The following LAPTM4B variants were observed in gnomAD, a reference collection of about 807,000 sequenced individuals.
The protein encoded by LAPTM4B is lysosomal-associated transmembrane protein 4B.
A neutral mutation model predicts 28.5 loss-of-function variants in LAPTM4B; 26 were observed. That is an observed-to-expected ratio of 0.91 (90% CI 0.67 to 1.27). The LOEUF (loss-of-function observed/expected upper bound fraction) is 1.27. Among genes scored for constraint, LAPTM4B ranks in the 50% most tolerant of loss-of-function variants. LAPTM4B has a pLI of 0.00. For synonymous variants in LAPTM4B, 109 were observed against 106.4 expected (o/e 1.02, Z -0.15); for missense variants, 288 against 285.8 (o/e 1.01, Z -0.06).
At chr8:97,791,554 G>A (rs1369964169) in intron 1 of LAPTM4B, among the ~76,000 whole-genome samples, 6 of 152,168 alleles carry the variant, frequency 3.9e-5, no homozygotes, top group Admixed American at 2.0e-4. Flanking sequence ...GTGGCAGATC[G>A]TTTTGCACGC....
rs544761392 is a variant in LAPTM4B, at chr8:97,823,353, T to G, written c.508-1705T>G. Reference sequence around the variant, plus strand: ...ATCATCATACAATATGGTTTTTTTTTTTGTTTTTTTTTTGTTGTTGTTGTT... The same window carrying G: ...ATCATCATACAATATGGTTTTTTTTGTTGTTTTTTTTTTGTTGTTGTTGTT... On this transcript the variant is annotated intron_variant, in intron 5 of 6. Transcript: ENST00000521545. Among the ~76,000 whole-genome samples, 102 of 27,248 alleles carry G rather than the reference T, an allele frequency of 3.7e-3. 2 individuals carry two copies. In the South Asian group the frequency reaches 0.086, roughly 23 times the overall value. 17.9% of individuals were successfully genotyped at this position (27,248 alleles called of 152,430 possible).
At chr8:97,781,520 C>T (rs563687624) in intron 1 of LAPTM4B, among the ~76,000 whole-genome samples, 8 of 151,840 alleles carry the variant, frequency 5.3e-5, no homozygotes, top group East Asian at 1.9e-4. Context: ...TCAGGTGATC[C>T]GCCCGCCTCG....
intron 1 of LAPTM4B, among the ~76,000 whole-genome samples, chr8:97,780,450 AAAGT>A (rs1258952658): frequency 6.6e-6 from 1 of 152,126 alleles, no homozygotes; most frequent in Non-Finnish European, 1.5e-5. Flanking sequence ...AATAAAACAA[AAAGT>A]AAGAGTCCAC....
At chr8:97,785,362 A>G (rs1347862073) in intron 1 of LAPTM4B, among the ~76,000 whole-genome samples, 1 of 152,178 alleles carries the variant, frequency 6.6e-6, no homozygotes, top group African/African-American at 2.4e-5. Context: ...TGAGCCTCTT[A>G]TCACACTTTT....
chr8:97,849,497 G>A (rs138629221), intron 6 of LAPTM4B, among the ~76,000 whole-genome samples: 84 of 152,192 alleles, frequency 5.5e-4, no homozygotes, highest in African/African-American at 1.7e-3. Flanking sequence ...CCTTTTCCAC[G>A]TGGGCAACGC....
intron 1 of LAPTM4B, among the ~76,000 whole-genome samples, chr8:97,801,735 G>A (rs947443364): frequency 4.0e-5 from 6 of 151,788 alleles, no homozygotes; most frequent in African/African-American, 1.4e-4. Context: ...CGCAGCTACA[G>A]GCTCCTACTG....
At chr8:97,840,820 C>T (rs1223183922) in intron 6 of LAPTM4B, among the ~76,000 whole-genome samples, 2 of 144,294 alleles carry the variant, frequency 1.4e-5, no homozygotes, top group African/African-American at 5.8e-5. Flanking sequence ...GCGCTCCTCA[C>T]TTCCCAGATG....
chr8:97,815,977 T>A, intron 3 of LAPTM4B, 81 bp from the exon 4 acceptor site: 1 of 1,306,768 alleles, frequency 7.7e-7, no homozygotes, highest in Non-Finnish European at 1.0e-6. Flanking sequence ...TCCTTTCAGA[T>A]TAATAAAATA....
rs553521690 is a variant in LAPTM4B at position 97,806,842 on chromosome 8, A to G, written c.211+1378A>G. Among the ~76,000 whole-genome samples, 157 of 152,270 alleles carry G rather than the reference A, an allele frequency of 1.0e-3. 1 individual carries two copies. The highest frequency in any genetic ancestry group is 3.4e-3 in the Middle Eastern group (1 of 294). On this transcript the variant is annotated intron_variant, in intron 2 of 6. Coordinates refer to ENST00000521545, the MANE Select transcript of LAPTM4B (RefSeq NM_018407.6). ...TGTGGTGGTGAGTGCCTGTAATCCCAGCTACTTGGGAGGCTGAGGCAGGAG... is the reference window on the plus strand; with the variant it reads ...TGTGGTGGTGAGTGCCTGTAATCCCGGCTACTTGGGAGGCTGAGGCAGGAG...
intron 2 of LAPTM4B, among the ~76,000 whole-genome samples, chr8:97,812,919 C>T (rs1816851818): frequency 6.6e-6 from 1 of 152,236 alleles, no homozygotes; most frequent in African/African-American, 2.4e-5. Context: ...GGTAGAGCCA[C>T]TCCCCTACTT....
At chr8:97,803,564 G>A (rs778670704) in intron 1 of LAPTM4B, among the ~76,000 whole-genome samples, 8 of 152,146 alleles carry the variant, frequency 5.3e-5, no homozygotes, top group Non-Finnish European at 7.4e-5. Flanking sequence ...GTGAGCCACC[G>A]TGCCGGGCCA....
chr8:97,813,100 T>C (rs1027466246), intron 2 of LAPTM4B, among the ~76,000 whole-genome samples: 1 of 152,246 alleles, frequency 6.6e-6, no homozygotes, highest in African/African-American at 2.4e-5. Flanking sequence ...TTAAGGAGGA[T>C]TGACTTATAT....
intron 6 of LAPTM4B, among the ~76,000 whole-genome samples, chr8:97,834,304 A>C (rs911546501): frequency 2.0e-5 from 3 of 152,166 alleles, no homozygotes; most frequent in Non-Finnish European, 4.4e-5. Context: ...ACTCTTTAAA[A>C]AATAAAAAAG....
Position 97,852,706 on chromosome 8 carries a change from G to T in LAPTM4B, c.*1232G>T. Reference sequence around the variant, plus strand: ...CTAAGGAGTAGGCTTTTTTTTGGGGGGGGGAGGTCGGGTGGGGGGGATTTT... The same window carrying T: ...CTAAGGAGTAGGCTTTTTTTTGGGGTGGGGAGGTCGGGTGGGGGGGATTTT... On this transcript the variant is annotated 3_prime_UTR_variant, in exon 7 of 7. Coordinates refer to ENST00000521545, the MANE Select transcript of LAPTM4B (RefSeq NM_018407.6). 5.7e-6 allele frequency: 1 copy of T among 175,860 alleles called. No homozygotes were observed. 10.9% of individuals were successfully genotyped at this position (175,860 alleles called of 1,614,324 possible).
intron 1 of LAPTM4B, among the ~76,000 whole-genome samples, chr8:97,789,329 C>T (rs1005941474): frequency 1.3e-5 from 2 of 151,146 alleles, no homozygotes; most frequent in Non-Finnish European, 2.9e-5. Flanking sequence ...CCACCTTGGC[C>T]TCCCAAAGTG....
chr8:97,807,879 A>C (rs1816777474), intron 2 of LAPTM4B, among the ~76,000 whole-genome samples: 1 of 80,576 alleles, frequency 1.2e-5, no homozygotes, highest in Non-Finnish European at 2.6e-5. Flanking sequence ...GTTACTGCAG[A>C]GATAACTTAA....
intron 6 of LAPTM4B, among the ~76,000 whole-genome samples, chr8:97,850,133 T>G (rs1417240806): frequency 6.6e-6 from 1 of 151,818 alleles, no homozygotes; most frequent in Non-Finnish European, 1.5e-5. Flanking sequence ...TCTTATCCAT[T>G]AGTGCTCTTT....
chr8:97,810,925 A>G (rs62524080), intron 2 of LAPTM4B, among the ~76,000 whole-genome samples: 10,591 of 152,290 alleles, frequency 0.07, 1,002 homozygotes, highest in East Asian at 0.4. Context: ...TATTGGAGAA[A>G]GGATGGTCTT....
chr8:97,793,995 T>C (rs1816544452), intron 1 of LAPTM4B, among the ~76,000 whole-genome samples: 1 of 152,116 alleles, frequency 6.6e-6, no homozygotes, highest in South Asian at 2.1e-4. Flanking sequence ...TTTTTTGTTT[T>C]TTTTGACAGA....
Sources: gnomAD v4.1 joint callset for allele counts (sites outside exome capture counted in the v4.1 genomes callset) on GRCh38, gnomAD v4.1.1 for gene constraint, MANE v1.5 for transcripts, NCBI Gene and HGNC (gene_info 2026-07-23, HGNC 2026-07-21) for gene names.